The following SPACA7 variants were observed in gnomAD, a reference collection of about 807,000 sequenced individuals.
SPACA7 encodes sperm acrosome-associated protein 7.
A neutral mutation model predicts 26.3 loss-of-function variants in SPACA7; 19 were observed. The ratio of observed to expected loss-of-function variants is 0.72; its 90% CI spans 0.50 to 1.06. SPACA7 has a LOEUF of 1.06. Ranked by LOEUF, SPACA7 falls within the 50% of genes least tolerant of loss-of-function variation. The pLI, the probability that SPACA7 is intolerant of heterozygous loss-of-function variation, is 0.00. For missense variants in SPACA7, 211 were observed against 229.9 expected, an observed-to-expected ratio of 0.92 and a Z score of 0.53; for synonymous variants, 84 against 84.5, an observed-to-expected ratio of 0.99 and a Z score of 0.04.
chr13:112,428,275 G>A (rs1426726811), intron 5 of SPACA7, among the ~76,000 whole-genome samples: 2 of 152,086 alleles, frequency 1.3e-5, no homozygotes, highest in Non-Finnish European at 2.9e-5. Flanking sequence ...TGATCCATAG[G>A]TTGTTTAGAA....
intron 5 of SPACA7, among the ~76,000 whole-genome samples, chr13:112,413,708 T>G (rs1469080880): frequency 6.6e-6 from 1 of 152,224 alleles, no homozygotes; most frequent in East Asian, 1.9e-4. Context: ...CTTAAGGCCA[T>G]GACTCCATAG....
intron 5 of SPACA7, among the ~76,000 whole-genome samples, chr13:112,431,346 T>C (rs1309314634): frequency 6.6e-6 from 1 of 152,222 alleles, no homozygotes; most frequent in African/African-American, 2.4e-5. Context: ...CCATGTAGTC[T>C]GTAACTTCTG....
chr13:112,378,936 C>T (rs1185600643), intron 1 of SPACA7, among the ~76,000 whole-genome samples: 2 of 152,134 alleles, frequency 1.3e-5, no homozygotes, highest in Non-Finnish European at 2.9e-5. Context: ...ATCATAATAT[C>T]CAAATTCTAG....
intron 1 of SPACA7, among the ~76,000 whole-genome samples, chr13:112,387,925 A>G (rs553399662): frequency 6.6e-6 from 1 of 152,136 alleles, no homozygotes; most frequent in Non-Finnish European, 1.5e-5. Flanking sequence ...ACATTTTCCC[A>G]TTGGTCCCTG....
chr13:112,376,502 C>T, intron 1 of SPACA7, 23 bp downstream of exon 1: 1 of 1,605,560 alleles, frequency 6.2e-7, no homozygotes, highest in Non-Finnish European at 8.5e-7. Context: ...AGGGATGTCT[C>T]AGCAGAAAGA....
At position 112,427,350 on chromosome 13, in the gene SPACA7, G is replaced by C. The variant is rs114628803; in HGVS notation, c.446-5094G>C. Among the ~76,000 whole-genome samples the C allele has an allele frequency of 8.1e-3, 1,230 of 152,312 alleles. 17 individuals carry two copies. The highest frequency in any genetic ancestry group is 0.028 in the African/African-American group (1,160 of 41,568). ...CAGCTTGCAGCCCTGCATCTGTTGG[G>C]ATGGTCACTTGGTTTTACTTTATTC... On this transcript the variant is annotated intron_variant, in intron 5 of 6. Transcript: ENST00000283550.
intron 5 of SPACA7, among the ~76,000 whole-genome samples, chr13:112,407,991 T>C (rs952021749): frequency 7.2e-5 from 11 of 152,128 alleles, no homozygotes; most frequent in Non-Finnish European, 2.9e-5. Flanking sequence ...GCAAACCGAA[T>C]CCAGCAGCAC....
At chr13:112,433,160 C>T (rs1390906003) in intron 6 of SPACA7, among the ~76,000 whole-genome samples, 1 of 150,400 alleles carries the variant, frequency 6.6e-6, no homozygotes, top group Non-Finnish European at 1.5e-5. Flanking sequence ...AGCCCCTCCC[C>T]CCATACCCTG....
intron 5 of SPACA7, among the ~76,000 whole-genome samples, chr13:112,428,361 C>G (rs1016662043): frequency 6.6e-6 from 1 of 152,268 alleles, no homozygotes; most frequent in African/African-American, 2.4e-5. Context: ...AGATGGATTA[C>G]TTGAGGTCAG....
intron 5 of SPACA7, among the ~76,000 whole-genome samples, chr13:112,404,447 T>C (rs1441227904): frequency 6.6e-6 from 1 of 152,244 alleles, no homozygotes; most frequent in African/African-American, 2.4e-5. Context: ...TCTTTGTTTT[T>C]GTTGTATTTG....
chr13:112,424,401 G>C (rs78548461), intron 5 of SPACA7, among the ~76,000 whole-genome samples: 1,801 of 152,208 alleles, frequency 0.012, 39 homozygotes, highest in African/African-American at 0.041. Context: ...GATGCGTCAG[G>C]AATGAGAGCT....
At chr13:112,395,771 G>T (rs1402573384) in intron 2 of SPACA7, among the ~76,000 whole-genome samples, 1 of 152,132 alleles carries the variant, frequency 6.6e-6, no homozygotes, top group Admixed American at 6.5e-5. Context: ...CGCCCAGCCT[G>T]GCCACAGCTG....
intron 5 of SPACA7, among the ~76,000 whole-genome samples, chr13:112,406,190 T>G (rs1594289341): frequency 6.6e-6 from 1 of 152,300 alleles, no homozygotes; most frequent in South Asian, 2.1e-4. Context: ...CCACCATGTG[T>G]CTCCAGAATT....
intron 5 of SPACA7, among the ~76,000 whole-genome samples, chr13:112,430,618 T>C (rs899124093): frequency 3.9e-5 from 6 of 152,192 alleles, no homozygotes; most frequent in African/African-American, 1.4e-4. Flanking sequence ...TGATGGCCCC[T>C]GGGTTCTCCC....
chr13:112,406,211 C>A (rs893814100), intron 5 of SPACA7, among the ~76,000 whole-genome samples: 2 of 152,128 alleles, frequency 1.3e-5, no homozygotes, highest in Non-Finnish European at 2.9e-5. Flanking sequence ...ATTTCTATCA[C>A]CCCAAATTGA....
At chr13:112,391,313 CT>C (rs1884872544) in intron 1 of SPACA7, among the ~76,000 whole-genome samples, 1 of 152,206 alleles carries the variant, frequency 6.6e-6, no homozygotes, top group African/African-American at 2.4e-5. Flanking sequence ...CTCCTTGGTC[CT>C]TAATGACTCA....
chr13:112,383,051 G>GA (rs1216665909), intron 1 of SPACA7, among the ~76,000 whole-genome samples: 12 of 30,104 alleles, frequency 4.0e-4, no homozygotes, highest in African/African-American at 1.7e-3. Context: ...AAAGACAGAA[G>GA]GAAAGAAAGA....
rs367684244 is a variant in SPACA7, at chr13:112,400,709, T to A, written c.350-360T>A. Among the ~76,000 whole-genome samples the A allele has an allele frequency of 6.6e-4, 100 of 152,310 alleles. 2 individuals are homozygous for A. In the South Asian group the frequency reaches 0.02, roughly 31 times the overall value. On this transcript the variant is annotated intron_variant, in intron 4 of 6. Coordinates refer to ENST00000283550, the MANE Select transcript of SPACA7 (RefSeq NM_145248.5). Reference sequence around the variant, plus strand: ...CTTTCTTCCTACCCCAGTTCTGCAGTCATTATTTTTTGTATGTATCTTTCC... The same window carrying A: ...CTTTCTTCCTACCCCAGTTCTGCAGACATTATTTTTTGTATGTATCTTTCC...
At chr13:112,383,574 C>T (rs185087590) in intron 1 of SPACA7, among the ~76,000 whole-genome samples, 2 of 152,150 alleles carry the variant, frequency 1.3e-5, no homozygotes, top group Non-Finnish European at 2.9e-5. Flanking sequence ...AAGCCGAGCC[C>T]AGCCATGGAT....
Sources: allele counts gnomAD v4.1 joint callset (sites outside exome capture counted in the v4.1 genomes callset), GRCh38; gene constraint gnomAD v4.1.1; transcripts MANE v1.5; gene names NCBI Gene and HGNC (gene_info 2026-07-23, HGNC 2026-07-21).